IMMP1L: variants seen among roughly 807,000 people sequenced by gnomAD.
The protein encoded by IMMP1L is inner mitochondrial membrane peptidase subunit 1.
IMMP1L carries 24 observed loss-of-function variants against 21.8 expected under a neutral mutation model. The observed-to-expected ratio is 1.10, with a 90% CI of 0.80 to 1.55. The LOEUF is 1.55. IMMP1L is among the 40% of genes most tolerant of loss of function. IMMP1L has a pLI of 0.00. For synonymous variants in IMMP1L, 46 were observed against 62.8 expected (o/e 0.73, Z 1.26); for missense variants, 195 against 200.7 (o/e 0.97, Z 0.17).
intron 1 of IMMP1L, chr11:31,488,195 A>G (rs1955145980): frequency 6.6e-6 from 1 of 152,146 alleles, no homozygotes; most frequent in Non-Finnish European, 1.5e-5. Context: ...AAAAAAAAAT[A>G]AAGCATGTCT....
At chr11:31,477,648 G>C (rs933302359) in intron 1 of IMMP1L, 6 of 442,352 alleles carry the variant, frequency 1.4e-5, no homozygotes, top group East Asian at 1.5e-4. Flanking sequence ...TTTCTGCAGT[G>C]AAGGTGTTAC....
intron 1 of IMMP1L, among the ~76,000 whole-genome samples, chr11:31,465,921 T>C (rs539553320): frequency 6.6e-6 from 1 of 151,796 alleles, no homozygotes; most frequent in South Asian, 2.1e-4. Flanking sequence ...AAAACAAAAA[T>C]AGACAAACGG....
chr11:31,458,797 A>C (rs956115310), intron 3 of IMMP1L, among the ~76,000 whole-genome samples: 3 of 152,228 alleles, frequency 2.0e-5, no homozygotes, highest in African/African-American at 7.2e-5. Flanking sequence ...GTACAAAATA[A>C]GATCTTCAAA....
intron 1 of IMMP1L, among the ~76,000 whole-genome samples, chr11:31,489,846 T>C (rs1333287927): frequency 2.0e-5 from 3 of 152,196 alleles, no homozygotes; most frequent in Non-Finnish European, 2.9e-5. Context: ...ACAAGCACCA[T>C]GTTTGATCTC....
chr11:31,448,832 A>C (rs1271320640), intron 4 of IMMP1L: 1 of 498,478 alleles, frequency 2.0e-6, no homozygotes, highest in African/African-American at 2.1e-5. Flanking sequence ...TAGGAGCCTC[A>C]AAGATTATTC....
intron 1 of IMMP1L, among the ~76,000 whole-genome samples, chr11:31,509,015 T>A (rs534680244): frequency 8.5e-5 from 13 of 152,304 alleles, no homozygotes; most frequent in Non-Finnish European, 1.5e-4. Flanking sequence ...GACAATTAAA[T>A]GTGTGAACAA....
Position 31,484,439 on chromosome 11 carries a change from G to GA in IMMP1L, c.-29-21135dup, listed in dbSNP as rs200958778. On this transcript the variant is annotated intron_variant, in intron 1 of 5. Transcript: ENST00000532287. The stretch of plus-strand genomic sequence containing the variant: ...GAAAAACTTTCCAAATGTTCATATA[G>GA]AAAAAAAAATCCACTTTTTTTAACA... 4.9e-3 allele frequency among the ~76,000 whole-genome samples: 733 copies of GA among 151,058 alleles called. 5 individuals carry two copies. Among genetic ancestry groups the GA allele is most frequent in the East Asian group, 0.024 (124 of 5,160 alleles).
intron 1 of IMMP1L, among the ~76,000 whole-genome samples, chr11:31,481,737 T>A (rs1490060955): frequency 6.6e-6 from 1 of 151,888 alleles, no homozygotes; most frequent in Non-Finnish European, 1.5e-5. Context: ...TACTTAAAAT[T>A]TAAAAGAAGT....
At chr11:31,445,218 T>C (rs1468897442) in intron 4 of IMMP1L, among the ~76,000 whole-genome samples, 2 of 152,190 alleles carry the variant, frequency 1.3e-5, no homozygotes, top group African/African-American at 2.4e-5. Flanking sequence ...AGTTTTCTCA[T>C]GCTCTCAGAA....
intron 4 of IMMP1L, among the ~76,000 whole-genome samples, chr11:31,445,030 T>C (rs949617275): frequency 4.6e-5 from 7 of 152,088 alleles, no homozygotes; most frequent in Non-Finnish European, 7.4e-5. Flanking sequence ...ACCTGCTATT[T>C]TGAGATTTGG....
intron 1 of IMMP1L, among the ~76,000 whole-genome samples, chr11:31,491,334 C>G (rs1439432670): frequency 6.6e-6 from 1 of 152,090 alleles, no homozygotes; most frequent in Non-Finnish European, 1.5e-5. Flanking sequence ...TTATCATGAA[C>G]AGAATGTTGA....
In IMMP1L at chr11:31,448,041, G is replaced by C. The variant is rs188169962; in HGVS notation, c.321+8219C>G. On this transcript the variant is annotated intron_variant, in intron 4 of 5. Transcript: ENST00000532287. ...ACTGTTATAGCACCTGGGCGCGGTGGCTCACACCTGTAATCCCAGCACTTT... is the reference window on the plus strand; with the variant it reads ...ACTGTTATAGCACCTGGGCGCGGTGCCTCACACCTGTAATCCCAGCACTTT... 7.9e-5 allele frequency among the ~76,000 whole-genome samples: 12 copies of C among 152,250 alleles called. No individual in the cohort carries two copies. In the East Asian group the frequency reaches 2.3e-3, roughly 29 times the overall value.
chr11:31,444,531 ATTCAG>A (rs1417115154), intron 4 of IMMP1L, among the ~76,000 whole-genome samples: 2 of 152,096 alleles, frequency 1.3e-5, no homozygotes, highest in African/African-American at 4.8e-5. Flanking sequence ...ATTTAATGAA[ATTCAG>A]TTTTTAAGAT....
rs574278763 is a variant in IMMP1L at position 31,500,967 on chromosome 11, T to C, written c.-30+8552A>G. Among the ~76,000 whole-genome samples the C allele has an allele frequency of 2.6e-5, 4 of 152,358 alleles. No individual in the cohort carries two copies. In the East Asian group the frequency reaches 5.8e-4, roughly 22 times the overall value. On this transcript the variant is annotated intron_variant, in intron 1 of 5. Coordinates refer to ENST00000532287, the MANE Select transcript of IMMP1L (RefSeq NM_001304274.2). ...TGATCTAAAGCTGTGTGATTTAATA[T>C]AGTACAAACTAGCCACATGCAGCTG...
chr11:31,497,460 CTTTTT>C (rs796666845), intron 1 of IMMP1L, among the ~76,000 whole-genome samples: 7,802 of 124,012 alleles, frequency 0.063, 570 homozygotes, highest in African/African-American at 0.18. Context: ...TATTTCTTTT[CTTTTT>C]TTTTTTTTTT....
chr11:31,470,420 C>CA (rs1214887537), intron 1 of IMMP1L, among the ~76,000 whole-genome samples: 4 of 102,502 alleles, frequency 3.9e-5, no homozygotes, highest in Admixed American at 9.5e-5. Flanking sequence ...TCTCAAAAAA[C>CA]AAAAAACAAA....
At chr11:31,470,914 T>A (rs1033935975) in intron 1 of IMMP1L, among the ~76,000 whole-genome samples, 4 of 152,224 alleles carry the variant, frequency 2.6e-5, no homozygotes, top group African/African-American at 9.6e-5. Context: ...ACATGAAAGC[T>A]AAAAAAGTTG....
chr11:31,448,880 G>A, intron 4 of IMMP1L: 9 of 936,218 alleles, frequency 9.6e-6, no homozygotes, highest in Non-Finnish European at 1.1e-5. Flanking sequence ...CTTCAGACTT[G>A]TAAACAATGA....
At chr11:31,473,295 C>T (rs563439027) in intron 1 of IMMP1L, among the ~76,000 whole-genome samples, 2 of 151,946 alleles carry the variant, frequency 1.3e-5, no homozygotes, top group Non-Finnish European at 2.9e-5. Flanking sequence ...GTGATCCGCC[C>T]GCCTCAGCCT....
Sources: allele counts gnomAD v4.1 joint callset (sites outside exome capture counted in the v4.1 genomes callset), GRCh38; gene constraint gnomAD v4.1.1; transcripts MANE v1.5; gene names NCBI Gene and HGNC (gene_info 2026-07-23, HGNC 2026-07-21).